RAD51B: variants seen among roughly 807,000 people sequenced by gnomAD.
RAD51B encodes the protein DNA repair protein RAD51 homolog 2.
A neutral mutation model predicts 42.2 loss-of-function variants in RAD51B; 38 were observed. The ratio of observed to expected loss-of-function variants is 0.90; its 90% CI spans 0.70 to 1.18. RAD51B has a LOEUF of 1.18. Among genes scored for constraint, RAD51B ranks in the 50% most tolerant of loss-of-function variants. The pLI is 0.00. For synonymous variants in RAD51B, 154 were observed against 145.2 expected, an observed-to-expected ratio of 1.06 and a Z score of -0.43; for missense variants, 373 against 400.7, an observed-to-expected ratio of 0.93 and a Z score of 0.59.
At chr14:68,068,158 G>A (rs1258973876) in intron 7 of RAD51B, among the ~76,000 whole-genome samples, 2 of 152,010 alleles carry the variant, frequency 1.3e-5, no homozygotes, top group African/African-American at 4.8e-5. Flanking sequence ...TACTTTCAAT[G>A]TACAATTTAG....
chr14:68,500,084 C>G (rs980596198), intron 10 of RAD51B, among the ~76,000 whole-genome samples: 3 of 152,148 alleles, frequency 2.0e-5, no homozygotes, highest in African/African-American at 7.2e-5. Context: ...GGAGTCTCTT[C>G]CCTCTTGCGT....
At chr14:67,865,392 A>G (rs1324108814) in intron 5 of RAD51B, among the ~76,000 whole-genome samples, 3 of 150,868 alleles carry the variant, frequency 2.0e-5, no homozygotes, top group African/African-American at 7.3e-5. Flanking sequence ...ATGCACCACC[A>G]CACCTGGCTA....
rs189301932 is a variant in RAD51B at position 68,431,876 on chromosome 14, T to C, written c.957+20349T>C. 2.9e-3 allele frequency among the ~76,000 whole-genome samples: 441 copies of C among 152,364 alleles called. 4 individuals carry two copies. Among genetic ancestry groups the C allele is most frequent in the African/African-American group, 0.01 (417 of 41,584 alleles). ...AATTTTAGATCTTTCCTGCTTTCTC[T>C]TGCGGGCATTTAGTGCTATAAATTT... On this transcript the variant is annotated intron_variant, in intron 9 of 10. Coordinates refer to ENST00000471583, the MANE Select transcript of RAD51B (RefSeq NM_133510.4).
chr14:68,298,106 C>T (rs561098749), intron 8 of RAD51B, among the ~76,000 whole-genome samples: 26 of 152,194 alleles, frequency 1.7e-4, no homozygotes, highest in African/African-American at 6.3e-4. Flanking sequence ...GTTCAGATGC[C>T]ATGAAAGGCC....
intron 10 of RAD51B, among the ~76,000 whole-genome samples, chr14:68,537,478 G>C (rs1030701964): frequency 7.1e-6 from 1 of 140,994 alleles, no homozygotes; most frequent in African/African-American, 2.7e-5. Context: ...CAGCCTGGGC[G>C]ACAGAGCAAG....
intron 8 of RAD51B, among the ~76,000 whole-genome samples, chr14:68,389,352 G>T (rs2083684407): frequency 6.6e-6 from 1 of 151,448 alleles, no homozygotes; most frequent in African/African-American, 2.4e-5. Flanking sequence ...AGTTTTGCCT[G>T]TTTTTGAACT....
intron 7 of RAD51B, among the ~76,000 whole-genome samples, chr14:68,208,740 A>AC (rs1242613842): frequency 6.6e-6 from 1 of 152,030 alleles, no homozygotes; most frequent in Non-Finnish European, 1.5e-5. Context: ...AGGTTAACTG[A>AC]CCCTCCATGC....
intron 10 of RAD51B, among the ~76,000 whole-genome samples, chr14:68,648,025 A>ATATATATACG (rs1892600245): frequency 3.1e-5 from 3 of 98,226 alleles, no homozygotes; most frequent in Non-Finnish European, 6.4e-5. Context: ...ATATATACGT[A>ATATATATACG]TATATATATA....
chr14:68,445,051 T>A (rs2085391366), intron 9 of RAD51B, among the ~76,000 whole-genome samples: 1 of 152,182 alleles, frequency 6.6e-6, no homozygotes, highest in Non-Finnish European at 1.5e-5. Flanking sequence ...TTGGCAAATT[T>A]TTCCTCTCAT....
intron 8 of RAD51B, among the ~76,000 whole-genome samples, chr14:68,403,537 C>A (rs556658417): frequency 2.0e-5 from 3 of 152,252 alleles, no homozygotes; most frequent in African/African-American, 7.2e-5. Flanking sequence ...AAGCCCATCA[C>A]CTTTTTGGAA....
chr14:68,019,364 C>G (rs752778214), intron 7 of RAD51B, among the ~76,000 whole-genome samples: 9 of 152,042 alleles, frequency 5.9e-5, no homozygotes, highest in Non-Finnish European at 1.0e-4. Flanking sequence ...GATTTGGTCA[C>G]CTTTGTTATT....
chr14:68,222,566 G>A (rs1273101501), intron 7 of RAD51B, among the ~76,000 whole-genome samples: 2 of 152,046 alleles, frequency 1.3e-5, no homozygotes, highest in African/African-American at 4.8e-5. Context: ...GTTCACATTA[G>A]GTACAGTGTA....
At chr14:68,055,539 A>G (rs535339028) in intron 7 of RAD51B, among the ~76,000 whole-genome samples, 1 of 152,320 alleles carries the variant, frequency 6.6e-6, no homozygotes, top group South Asian at 2.1e-4. Context: ...ATCTTCTTGT[A>G]TCTTTAATAT....
intron 3 of RAD51B, among the ~76,000 whole-genome samples, chr14:67,833,725 A>T (rs1056298369): frequency 1.3e-5 from 2 of 152,216 alleles, no homozygotes; most frequent in Non-Finnish European, 2.9e-5. Context: ...TTTCAGATCA[A>T]TGTTGACCAG....
chr14:67,922,258 C>T (rs1024136484), intron 7 of RAD51B, among the ~76,000 whole-genome samples: 1 of 152,164 alleles, frequency 6.6e-6, no homozygotes, highest in Non-Finnish European at 1.5e-5. Context: ...TCTCAGCAAA[C>T]CTTGGGGGAG....
At chr14:68,571,046 T>A (rs571481208) in intron 10 of RAD51B, among the ~76,000 whole-genome samples, 1 of 152,102 alleles carries the variant, frequency 6.6e-6, no homozygotes, top group Non-Finnish European at 1.5e-5. Flanking sequence ...AAGCCTGACA[T>A]GTAAGATCTA....
intron 10 of RAD51B, among the ~76,000 whole-genome samples, chr14:68,561,743 T>C (rs1889159845): frequency 6.6e-6 from 1 of 152,184 alleles, no homozygotes; most frequent in Non-Finnish European, 1.5e-5. Context: ...TCGAGCTAAA[T>C]GGCATCATTC....
At chr14:67,844,454 G>T (rs754226452) in intron 4 of RAD51B, among the ~76,000 whole-genome samples, 34 of 151,684 alleles carry the variant, frequency 2.2e-4, no homozygotes, top group Non-Finnish European at 4.7e-4. Flanking sequence ...GGGTGTTGAA[G>T]TCTCACACTA....
intron 9 of RAD51B, among the ~76,000 whole-genome samples, chr14:68,442,181 T>C (rs1232119111): frequency 6.6e-6 from 1 of 152,188 alleles, no homozygotes; most frequent in East Asian, 1.9e-4. Flanking sequence ...TTACTTTAAC[T>C]CTCTTTACTC....
Sources: allele counts gnomAD v4.1 joint callset (sites outside exome capture counted in the v4.1 genomes callset), GRCh38; gene constraint gnomAD v4.1.1; transcripts MANE v1.5; gene names NCBI Gene and HGNC (gene_info 2026-07-23, HGNC 2026-07-21).